Variants in SYNE2 observed in about 807,000 individuals in gnomAD.
SYNE2 encodes the protein nesprin-2.
In SYNE2, 431 loss-of-function variants were observed where a neutral mutation model predicts 856.3. That is an observed-to-expected ratio of 0.50 (90% confidence interval 0.47 to 0.55). SYNE2 has a LOEUF of 0.55. Among genes scored for constraint, SYNE2 ranks in the 20% least tolerant of loss-of-function variants. The pLI, the probability that SYNE2 is intolerant of heterozygous loss-of-function variation, is 0.00. For missense variants in SYNE2, 8,129 were observed against 8,023.2 expected, an observed-to-expected ratio of 1.01 and a Z score of -0.50; for synonymous variants, 2,923 against 2,872.3, an observed-to-expected ratio of 1.02 and a Z score of -0.56.
At chr14:63,878,885 T>C (rs1428967214) in intron 1 of SYNE2, among the ~76,000 whole-genome samples, 1 of 152,144 alleles carries the variant, frequency 6.6e-6, no homozygotes, top group Non-Finnish European at 1.5e-5. Flanking sequence ...AAGAAAAAAA[T>C]CTAGGCATAA....
chr14:63,949,566 A>G (rs2096117573), intron 6 of SYNE2, among the ~76,000 whole-genome samples: 1 of 152,152 alleles, frequency 6.6e-6, no homozygotes, highest in African/African-American at 2.4e-5. Flanking sequence ...AGGTGGATGA[A>G]TTGGTGAGGG....
chr14:64,211,027 G>A (rs1349818871), intron 103 of SYNE2, among the ~76,000 whole-genome samples: 1 of 151,996 alleles, frequency 6.6e-6, no homozygotes, highest in African/African-American at 2.4e-5. Flanking sequence ...TGTTGCCCAG[G>A]CTGGAGTGCA....
chr14:64,162,972 A>G (rs1370224773), intron 88 of SYNE2: 21 of 189,616 alleles, frequency 1.1e-4, no homozygotes, highest in Non-Finnish European at 2.1e-4. Context: ...ATAGCCTTAA[A>G]ATCAGCCTGA....
At chr14:64,135,672 A>G (rs897278677) in intron 78 of SYNE2, among the ~76,000 whole-genome samples, 2 of 152,212 alleles carry the variant, frequency 1.3e-5, no homozygotes, top group Admixed American at 6.5e-5. Flanking sequence ...TCCAAAAGTG[A>G]CCATATCTGT....
Position 64,177,344 on chromosome 14 carries a change from T to G in SYNE2, c.17431-14T>G. On this transcript the variant is annotated splice_polypyrimidine_tract_variant and intron_variant, in intron 95 of 115. Transcript: ENST00000555002. ...AGCAAAATACTTACCAGTTTTAATCTTGTTTTCAAATAGACCTGGGACCAG... is the reference window on the plus strand; with the variant it reads ...AGCAAAATACTTACCAGTTTTAATCGTGTTTTCAAATAGACCTGGGACCAG... 1 of 1,614,172 alleles carries G rather than the reference T, an allele frequency of 6.2e-7. No individual in the cohort carries two copies. The highest frequency in any genetic ancestry group is 1.1e-5 in the South Asian group (1 of 91,078).
At chr14:64,003,498 G>C (rs1298030449) in intron 30 of SYNE2, among the ~76,000 whole-genome samples, 168 bp downstream of exon 30, 1 of 152,074 alleles carries the variant, frequency 6.6e-6, no homozygotes, top group African/African-American at 2.4e-5. Context: ...CTTCCTTTTT[G>C]TTGGTATTGT....
intron 48 of SYNE2, 97 bp from the exon 49 acceptor site, chr14:64,055,847 C>CA: frequency 1.5e-6 from 1 of 657,042 alleles, no homozygotes; most frequent in Admixed American, 3.0e-5. Context: ...AAAAAAGACT[C>CA]AGAGACATAT....
chr14:64,075,953 A>T lies in SYNE2; in HGVS notation c.10875A>T (p.Gln3625His). 6.2e-7 allele frequency: 1 copy of T among 1,613,810 alleles called. No homozygotes were observed. Residue 3625 changes from glutamine to histidine, a missense_variant, in exon 54 of 116, where the codon CAA becomes CAT. Coordinates refer to ENST00000555002, the MANE Select transcript of SYNE2 (RefSeq NM_182914.3). ...PEKSEQFEEL[Q>H]SILKKGKLTF... ...TCTCTTAATGCTTTTAGGAGCTTCA[A>T]AGCATCCTTAAGAAAGGGAAACTAA...
At chr14:63,827,625 C>CAAAAAAAAAAAAAAACAA in intron 1 of SYNE2, among the ~76,000 whole-genome samples, 1 of 28,396 alleles carries the variant, frequency 3.5e-5, no homozygotes, top group Non-Finnish European at 6.3e-5. Context: ...AACTCTGTCT[C>CAAAAAAAAAAAAAAACAA]AAAAAAAAAA....
intron 56 of SYNE2, 26 bp downstream of exon 56, chr14:64,080,664 C>T: frequency 3.1e-6 from 5 of 1,611,688 alleles, no homozygotes; most frequent in Non-Finnish European, 4.2e-6. Flanking sequence ...GTAATAGCTT[C>T]ATATCATGTG....
chr14:64,085,723 G>T (rs1319578300), intron 57 of SYNE2, among the ~76,000 whole-genome samples: 1 of 152,146 alleles, frequency 6.6e-6, no homozygotes, highest in East Asian at 1.9e-4. Flanking sequence ...ACTTGCAGTG[G>T]TATTTCATTG....
At position 63,982,760 on chromosome 14, in the gene SYNE2, A is replaced by G; in HGVS notation, c.1967A>G (p.Lys656Arg). ...TCTAAAGAACTGAGAAGGCTGAATA[A>G]AAGATGGAGAAAGTTGGTTTCAAAA... is the stretch of plus-strand genomic sequence containing the variant. ...SISKELRRLN[K>R]RWRKLVSKTQ... Residue 656 changes from lysine (K) to arginine (R), a missense_variant, in exon 17 of 116, where the codon AAA becomes AGA. Lys to Arg is a conservative substitution (Grantham distance 26). Transcript: ENST00000555002. 1 of 1,614,068 alleles carries G rather than the reference A, an allele frequency of 6.2e-7. No homozygotes were observed. The highest frequency in any genetic ancestry group is 8.5e-7 in the Non-Finnish European group (1 of 1,179,988).
chr14:64,164,255 G>T (rs1159332671), intron 89 of SYNE2, among the ~76,000 whole-genome samples: 1 of 151,958 alleles, frequency 6.6e-6, no homozygotes, highest in East Asian at 1.9e-4. Context: ...GACTACAGGT[G>T]CCTGCCACCA....
chr14:64,003,504 AT>A (rs1319741836), intron 30 of SYNE2, among the ~76,000 whole-genome samples, 174 bp downstream of exon 30: 1 of 152,174 alleles, frequency 6.6e-6, no homozygotes, highest in African/African-American at 2.4e-5. Context: ...TTTTGTTGGT[AT>A]TGTACCTGTA....
chr14:63,937,253 G>A (rs1036828801), intron 2 of SYNE2, among the ~76,000 whole-genome samples: 10 of 152,190 alleles, frequency 6.6e-5, no homozygotes, highest in African/African-American at 2.4e-4. Context: ...GAGGCATTTT[G>A]CCGCAAAGGA....
At chr14:64,187,073 G>C (rs1173470160) in intron 97 of SYNE2, among the ~76,000 whole-genome samples, 2 of 152,172 alleles carry the variant, frequency 1.3e-5, no homozygotes, top group African/African-American at 2.4e-5. Flanking sequence ...AATCCTGTAA[G>C]AGAAATGATC....
intron 1 of SYNE2, among the ~76,000 whole-genome samples, chr14:63,768,981 T>G (rs1293379322): frequency 6.6e-6 from 1 of 151,990 alleles, no homozygotes; most frequent in African/African-American, 2.4e-5. Context: ...CCAATAAGAT[T>G]AGAAGAGGAC....
intron 26 of SYNE2, 34 bp from the exon 27 acceptor site, chr14:63,998,880 T>A (rs535511910): frequency 6.2e-7 from 1 of 1,612,314 alleles, no homozygotes; most frequent in South Asian, 1.1e-5. Context: ...TTTTAAAAAT[T>A]AACTATTGTG....
At chr14:64,201,215 C>T (rs1050187910) in intron 99 of SYNE2, among the ~76,000 whole-genome samples, 3 of 152,206 alleles carry the variant, frequency 2.0e-5, no homozygotes, top group African/African-American at 4.8e-5. Flanking sequence ...TCACCTCACC[C>T]GATGCTACCA....
Sources: gnomAD v4.1 joint callset for allele counts (sites outside exome capture counted in the v4.1 genomes callset) on GRCh38, gnomAD v4.1.1 for gene constraint, MANE v1.5 for transcripts, NCBI Gene and HGNC (gene_info 2026-07-23, HGNC 2026-07-21) for gene names.